The following DENND5A variants were observed in gnomAD, a reference collection of about 807,000 sequenced individuals.
DENND5A encodes DENN domain-containing protein 5A.
DENND5A carries 64 observed loss-of-function variants against 140.3 expected under a neutral mutation model. That is an observed-to-expected ratio of 0.46 (90% CI 0.37 to 0.56). DENND5A has a LOEUF of 0.56. DENND5A is among the 20% of genes least tolerant of loss of function. The pLI, the probability that DENND5A is intolerant of heterozygous loss-of-function variation, is 0.00. For missense variants in DENND5A, 1,292 were observed against 1,593.8 expected (o/e 0.81, Z 3.22); for synonymous variants, 605 against 607.7 (o/e 1.00, Z 0.07).
rs564148105 is a variant in DENND5A, at chr11:9,219,648, G to A, written c.110-12016C>T. Among the ~76,000 whole-genome samples, 8 of 152,346 alleles carry A rather than the reference G, an allele frequency of 5.3e-5. No individual in the cohort carries two copies. The South Asian group carries it at 1.4e-3, about 28-fold the overall frequency. ...ACAGAGGATAACTCCAAGATAAGGT[G>A]AGGGGACATCCCAAGATTTTAGTGC... On this transcript the variant is annotated intron_variant, in intron 1 of 22. Transcript: ENST00000328194.
At chr11:9,204,417 C>A (rs1398222327) in intron 3 of DENND5A, 100 bp from the exon 4 acceptor site, 8 of 1,160,256 alleles carry the variant, frequency 6.9e-6, no homozygotes, top group African/African-American at 3.1e-5. Context: ...ACCTACTAAG[C>A]TGAGCGTGTA....
At chr11:9,229,899 CTTTTTTT>C (rs71062816) in intron 1 of DENND5A, among the ~76,000 whole-genome samples, 17 of 64,904 alleles carry the variant, frequency 2.6e-4, no homozygotes, top group Non-Finnish European at 4.0e-4. Flanking sequence ...GCTCCCATTT[CTTTTTTT>C]TTTTTTTTTT....
intron 4 of DENND5A, among the ~76,000 whole-genome samples, chr11:9,200,538 AT>A (rs1331920272): frequency 6.6e-6 from 1 of 152,256 alleles, no homozygotes; most frequent in Admixed American, 6.5e-5. Flanking sequence ...CATGTAAAAA[AT>A]CTGGGTCCTC....
At chr11:9,161,347 C>CAA (rs11354858) in intron 11 of DENND5A, among the ~76,000 whole-genome samples, 4 of 145,846 alleles carry the variant, frequency 2.7e-5, no homozygotes, top group Non-Finnish European at 6.1e-5. Flanking sequence ...GACTCCGTCT[C>CAA]AAAAAAAAAA....
chr11:9,235,034 G>T (rs571889951), intron 1 of DENND5A, among the ~76,000 whole-genome samples: 27 of 152,282 alleles, frequency 1.8e-4, no homozygotes, highest in African/African-American at 6.0e-4. Context: ...AACATTGCTA[G>T]TGAGAATGTA....
chr11:9,222,863 G>A (rs1408415833), intron 1 of DENND5A, among the ~76,000 whole-genome samples: 1 of 152,216 alleles, frequency 6.6e-6, no homozygotes, highest in African/African-American at 2.4e-5. Flanking sequence ...GCAATAAGCT[G>A]CAACTACATC....
chr11:9,169,495 G>GCGCA (rs1554916426), intron 10 of DENND5A, among the ~76,000 whole-genome samples: 22 of 145,804 alleles, frequency 1.5e-4, no homozygotes, highest in African/African-American at 3.5e-4. Flanking sequence ...ATATACACAC[G>GCGCA]CACACACACA....
At chr11:9,186,267 C>T (rs1285218311) in intron 5 of DENND5A, among the ~76,000 whole-genome samples, 1 of 152,226 alleles carries the variant, frequency 6.6e-6, no homozygotes, top group East Asian at 1.9e-4. Context: ...TAACTTAACA[C>T]CTAAAAACAC....
Position 9,142,163 on chromosome 11 carries a change from G to A in DENND5A, c.3512-55C>T, listed in dbSNP as rs12273976. ...AAAGGCTCTCAACACCAACCCTGACGGTCCTACAGGCCACTTGCCATGGGC... is the reference window on the plus strand; with the variant it reads ...AAAGGCTCTCAACACCAACCCTGACAGTCCTACAGGCCACTTGCCATGGGC... On this transcript the variant is annotated intron_variant, in intron 21 of 22. Coordinates refer to ENST00000328194, the MANE Select transcript of DENND5A (RefSeq NM_015213.4). The A allele has an allele frequency of 4.5e-3, 6,497 of 1,459,496 alleles. 271 individuals are homozygous for A. In the African/African-American group the frequency reaches 0.082, roughly 18 times the overall value. 90.4% of individuals were successfully genotyped at this position (1,459,496 alleles called of 1,614,324 possible).
intron 1 of DENND5A, among the ~76,000 whole-genome samples, chr11:9,223,743 T>C (rs1312528333): frequency 2.6e-5 from 4 of 152,072 alleles, no homozygotes; most frequent in African/African-American, 9.7e-5. Flanking sequence ...CTGACAGTGG[T>C]ACCTGGGAAT....
chr11:9,162,233 CTTTTTTTTTTTTT>C (rs1221675349), intron 11 of DENND5A, among the ~76,000 whole-genome samples: 1 of 97,334 alleles, frequency 1.0e-5, no homozygotes, highest in African/African-American at 3.9e-5. Context: ...CCAGTTCCTT[CTTTTTTTTTTTTT>C]TTTTTTTTTG....
intron 1 of DENND5A, among the ~76,000 whole-genome samples, chr11:9,247,006 A>G (rs928217860): frequency 6.6e-6 from 1 of 152,072 alleles, no homozygotes. Flanking sequence ...CGAGGTGGGC[A>G]GATCACGAGG....
chr11:9,173,188 C>G (rs1848430997), intron 8 of DENND5A, among the ~76,000 whole-genome samples: 1 of 151,942 alleles, frequency 6.6e-6, no homozygotes, highest in Non-Finnish European at 1.5e-5. Context: ...GGGAAAATAC[C>G]TTTCAAAGAC....
chr11:9,242,832 G>GT (rs1426795111), intron 1 of DENND5A: 1 of 152,268 alleles, frequency 6.6e-6, no homozygotes, highest in Non-Finnish European at 1.5e-5. Context: ...GCTCACACCT[G>GT]TAATCCCAGC....
At chr11:9,207,147 A>G (rs1164619675) in intron 2 of DENND5A, 13 of 451,168 alleles carry the variant, frequency 2.9e-5, no homozygotes, top group South Asian at 2.5e-4. Flanking sequence ...AAAGTCAACT[A>G]AAAACATCAC....
intron 22 of DENND5A, among the ~76,000 whole-genome samples, chr11:9,141,005 A>G (rs776644771): frequency 2.7e-4 from 41 of 152,272 alleles, no homozygotes; most frequent in South Asian, 8.3e-4. Flanking sequence ...GCATGCCTGT[A>G]ATCCCAGCTA....
At chr11:9,142,173 GC>G in intron 21 of DENND5A, 65 bp from the exon 22 acceptor site, 1 of 1,391,452 alleles carries the variant, frequency 7.2e-7, no homozygotes, top group Non-Finnish European at 9.7e-7. Context: ...GGTCCTACAG[GC>G]CACTTGCCAT....
At chr11:9,203,520 T>C (rs1849588908) in intron 4 of DENND5A, 140 bp downstream of exon 4, 1 of 930,162 alleles carries the variant, frequency 1.1e-6, no homozygotes, top group South Asian at 1.8e-5. Flanking sequence ...CAATTTGCCA[T>C]CCACCACCTA....
At chr11:9,211,335 C>T (rs924759170) in intron 1 of DENND5A, among the ~76,000 whole-genome samples, 1 of 152,008 alleles carries the variant, frequency 6.6e-6, no homozygotes, top group Admixed American at 6.6e-5. Flanking sequence ...ATGGAGAAGA[C>T]CCCAAGCAGC....
Sources: gnomAD v4.1 joint callset for allele counts (sites outside exome capture counted in the v4.1 genomes callset) on GRCh38, gnomAD v4.1.1 for gene constraint, MANE v1.5 for transcripts, NCBI Gene and HGNC (gene_info 2026-07-23, HGNC 2026-07-21) for gene names.